CHSY3: variants seen among roughly 807,000 people sequenced by gnomAD.
CHSY3 encodes the protein chondroitin sulfate synthase 3, also known as N-acetylgalactosaminyl-proteoglycan 3-beta-glucuronosyltransferase 3.
In CHSY3, 35 loss-of-function variants were observed where a neutral mutation model predicts 67.2. That is an observed-to-expected ratio of 0.52 (90% CI 0.40 to 0.69). The LOEUF (loss-of-function observed/expected upper bound fraction) is 0.69, where lower values mean the gene tolerates loss of function less well. CHSY3 is among the 30% of genes least tolerant of loss of function. The pLI, the probability that CHSY3 is intolerant of heterozygous loss-of-function variation, is 0.00. For missense variants in CHSY3, 1,069 were observed against 1,138.5 expected (o/e 0.94, Z 0.88); for synonymous variants, 474 against 434.7 (o/e 1.09, Z -1.12).
chr5:130,091,332 T>G (rs1258688914), intron 2 of CHSY3, among the ~76,000 whole-genome samples: 2 of 152,232 alleles, frequency 1.3e-5, no homozygotes, highest in Non-Finnish European at 2.9e-5. Flanking sequence ...TTGTGGCGTT[T>G]TGTTTCCAGT....
intron 2 of CHSY3, among the ~76,000 whole-genome samples, chr5:130,086,420 C>A: frequency 6.6e-6 from 1 of 151,922 alleles, no homozygotes; most frequent in East Asian, 1.9e-4. Flanking sequence ...TTATCAGAGA[C>A]TAGGATTGCA....
chr5:130,100,625 G>A (rs183987874), intron 2 of CHSY3, among the ~76,000 whole-genome samples: 201 of 152,206 alleles, frequency 1.3e-3, no homozygotes, highest in African/African-American at 4.5e-3. Context: ...AAATAATGTA[G>A]CTATCATTAA....
chr5:130,039,885 G>T (rs1442489304), intron 2 of CHSY3, among the ~76,000 whole-genome samples: 1 of 152,070 alleles, frequency 6.6e-6, no homozygotes, highest in Non-Finnish European at 1.5e-5. Flanking sequence ...AAACTTTTCT[G>T]ATCCTCTTAT....
chr5:130,058,062 T>TA (rs1765594210), intron 2 of CHSY3, among the ~76,000 whole-genome samples: 1 of 152,198 alleles, frequency 6.6e-6, no homozygotes, highest in Admixed American at 6.5e-5. Context: ...AGTGAAATTG[T>TA]AATGAATCTT....
At chr5:130,100,060 T>A (rs1002286146) in intron 2 of CHSY3, among the ~76,000 whole-genome samples, 2 of 152,136 alleles carry the variant, frequency 1.3e-5, no homozygotes, top group African/African-American at 4.8e-5. Flanking sequence ...TTGGAAAGCA[T>A]CAATGCTTTC....
intron 2 of CHSY3, among the ~76,000 whole-genome samples, chr5:130,057,912 G>C (rs1166972153): frequency 6.6e-6 from 1 of 152,126 alleles, no homozygotes; most frequent in Non-Finnish European, 1.5e-5. Context: ...GAGAGAGAGA[G>C]AGAGAGAGAG....
At chr5:130,113,560 A>G (rs1222318161) in intron 2 of CHSY3, among the ~76,000 whole-genome samples, 1 of 152,162 alleles carries the variant, frequency 6.6e-6, no homozygotes, top group African/African-American at 2.4e-5. Context: ...ACACTAATAG[A>G]GTTTTATTCT....
chr5:129,963,141 G>C (rs1226426320), intron 2 of CHSY3, among the ~76,000 whole-genome samples: 1 of 151,808 alleles, frequency 6.6e-6, no homozygotes, highest in East Asian at 1.9e-4. Flanking sequence ...ACTGAGCCTA[G>C]ATCTAGAATG....
chr5:129,926,324 G>A (rs1400463034), intron 2 of CHSY3, among the ~76,000 whole-genome samples: 1 of 151,916 alleles, frequency 6.6e-6, no homozygotes, highest in Non-Finnish European at 1.5e-5. Context: ...CATCTGAAAT[G>A]TCTTTATTTT....
At position 129,992,851 on chromosome 5, in the gene CHSY3, A is replaced by G. The variant is rs532443216; in HGVS notation, c.1086+84491A>G. 3.9e-5 allele frequency among the ~76,000 whole-genome samples: 6 copies of G among 152,320 alleles called. No homozygotes were observed. The East Asian group carries it at 9.6e-4, about 24-fold the overall frequency. On this transcript the variant is annotated intron_variant, in intron 2 of 2. Transcript: ENST00000305031. ...TTCCTTGCAAATCCTCAGTCATGCC[A>G]TGTTATGTCAAGTTGTGTACTAAAG...
chr5:130,058,571 T>A (rs115157800), intron 2 of CHSY3, among the ~76,000 whole-genome samples: 2,203 of 152,228 alleles, frequency 0.014, 45 homozygotes, highest in African/African-American at 0.048. Flanking sequence ...AGTTGCAGTG[T>A]GCCAAGATTG....
chr5:130,029,073 C>T (rs566272994), intron 2 of CHSY3, among the ~76,000 whole-genome samples: 1 of 152,122 alleles, frequency 6.6e-6, no homozygotes, highest in South Asian at 2.1e-4. Context: ...TCATCAGTGC[C>T]GGTGGCCCCA....
In CHSY3 at chr5:129,904,545, C is replaced by T. The variant is rs1159429277; in HGVS notation, c.-285C>T. ...CCTCCTCCTGCAGCTCCTCCAGCTG[C>T]CGCTGCTGCCGCCGCTGCCGCCACC... On this transcript the variant is annotated 5_prime_UTR_variant, in exon 1 of 3. Transcript: ENST00000305031. 8.7e-6 allele frequency: 3 copies of T among 344,402 alleles called. No individual in the cohort carries two copies. The highest frequency in any genetic ancestry group is 5.0e-5 in the Admixed American group (1 of 19,816). 21.3% of individuals were successfully genotyped at this position (344,402 alleles called of 1,614,324 possible). A position where few individuals can be genotyped will look rare whatever the true frequency, so the allele number is the denominator to read the frequency against.
chr5:129,953,371 G>A (rs1762080206), intron 2 of CHSY3, among the ~76,000 whole-genome samples: 1 of 152,034 alleles, frequency 6.6e-6, no homozygotes, highest in Non-Finnish European at 1.5e-5. Context: ...TCTTTATCCA[G>A]TCTAACATTG....
intron 1 of CHSY3, among the ~76,000 whole-genome samples, chr5:129,906,074 G>C (rs1760282350): frequency 6.6e-6 from 1 of 152,168 alleles, no homozygotes; most frequent in African/African-American, 2.4e-5. Flanking sequence ...AACTAGTCTG[G>C]AGATCCAGTG....
intron 2 of CHSY3, among the ~76,000 whole-genome samples, chr5:130,017,361 G>T (rs937551329): frequency 6.6e-6 from 1 of 152,182 alleles, no homozygotes; most frequent in Non-Finnish European, 1.5e-5. Context: ...TGTCAAACTA[G>T]TCTCTTCATT....
intron 2 of CHSY3, among the ~76,000 whole-genome samples, chr5:130,118,038 C>T (rs1268577264): frequency 6.6e-6 from 1 of 152,056 alleles, no homozygotes; most frequent in Non-Finnish European, 1.5e-5. Flanking sequence ...ATGCCACTCC[C>T]CCTGCCCCTC....
intron 2 of CHSY3, among the ~76,000 whole-genome samples, chr5:130,065,155 A>T (rs1451191593): frequency 2.0e-5 from 3 of 152,064 alleles, no homozygotes; most frequent in African/African-American, 7.2e-5. Context: ...GTGTTTTTTT[A>T]TGGTGGTTGT....
At chr5:130,056,914 CTTTCTTTT>C (rs1765547942) in intron 2 of CHSY3, among the ~76,000 whole-genome samples, 1 of 109,524 alleles carries the variant, frequency 9.1e-6, no homozygotes, top group African/African-American at 3.5e-5. Flanking sequence ...TTTAGCATTT[CTTTCTTTT>C]TTTTTTTTTT....
Sources: gnomAD v4.1 joint callset for allele counts (sites outside exome capture counted in the v4.1 genomes callset) on GRCh38, gnomAD v4.1.1 for gene constraint, MANE v1.5 for transcripts, NCBI Gene and HGNC (gene_info 2026-07-23, HGNC 2026-07-21) for gene names.